The following MACROH2A2 variants were observed in gnomAD, a reference collection of about 807,000 sequenced individuals.
MACROH2A2 encodes the protein macroH2A.2 histone, also known as core histone macro-H2A.2.
MACROH2A2 carries 6 observed loss-of-function variants against 37.6 expected under a neutral mutation model. That is an observed-to-expected ratio of 0.16 (90% CI 0.09 to 0.32). The LOEUF is 0.32. MACROH2A2 is among the 10% of genes least tolerant of loss of function. MACROH2A2 has a pLI of 1.00. For synonymous variants in MACROH2A2, 192 were observed against 202.7 expected, an observed-to-expected ratio of 0.95 and a Z score of 0.45; for missense variants, 290 against 485.9, an observed-to-expected ratio of 0.60 and a Z score of 3.79.
At chr10:70,055,391 C>T (rs1301582298) in intron 1 of MACROH2A2, among the ~76,000 whole-genome samples, 1 of 152,182 alleles carries the variant, frequency 6.6e-6, no homozygotes, top group Non-Finnish European at 1.5e-5. Flanking sequence ...ACTTATTGAG[C>T]ACCAAGTCTT....
intron 1 of MACROH2A2, among the ~76,000 whole-genome samples, chr10:70,056,028 A>T (rs187218326): frequency 2.3e-4 from 35 of 152,366 alleles, no homozygotes; most frequent in Middle Eastern, 6.8e-3. Context: ...CAAATTGCAG[A>T]ACAGTACATA....
rs1009804901 is a variant in MACROH2A2, at chr10:70,057,905, G to C, written c.-60+4905G>C. Among the ~76,000 whole-genome samples the C allele has an allele frequency of 5.9e-5, 9 of 152,102 alleles. No individual in the cohort carries two copies. In the East Asian group the frequency reaches 1.7e-3, roughly 29 times the overall value. On this transcript the variant is annotated intron_variant, in intron 1 of 8. Coordinates refer to ENST00000373255, the MANE Select transcript of MACROH2A2 (RefSeq NM_018649.3). Reference sequence around the variant, plus strand: ...TACACCCATCACAGGAAAACGAAATGGTGGGGGGATGGTGAAGAACATGCC... The same window carrying C: ...TACACCCATCACAGGAAAACGAAATCGTGGGGGGATGGTGAAGAACATGCC...
chr10:70,079,993 T>G (rs1472365667), intron 2 of MACROH2A2, among the ~76,000 whole-genome samples: 1 of 152,150 alleles, frequency 6.6e-6, no homozygotes, highest in Admixed American at 6.5e-5. Context: ...AAAAGAAGTC[T>G]GACCAGCTGG....
At chr10:70,105,353 C>T (rs1272764107) in intron 7 of MACROH2A2, among the ~76,000 whole-genome samples, 2 of 151,178 alleles carry the variant, frequency 1.3e-5, no homozygotes, top group Non-Finnish European at 2.9e-5. Context: ...TAACACAGTA[C>T]ATCACTTAGC....
intron 7 of MACROH2A2, among the ~76,000 whole-genome samples, chr10:70,105,009 T>G (rs1351541769): frequency 6.6e-6 from 1 of 152,108 alleles, no homozygotes; most frequent in East Asian, 1.9e-4. Context: ...ATATTTCAGG[T>G]GCAGAGTCAG....
At chr10:70,091,716 CA>C (rs2072246005) in intron 3 of MACROH2A2, 40 bp from the exon 4 acceptor site, 2 of 1,330,428 alleles carry the variant, frequency 1.5e-6, no homozygotes, top group African/African-American at 2.9e-5. Flanking sequence ...TGGGAACTAG[CA>C]GGCTGTTTGC....
chr10:70,102,738 A>G (rs2072313978), intron 7 of MACROH2A2, among the ~76,000 whole-genome samples: 2 of 152,078 alleles, frequency 1.3e-5, no homozygotes, highest in Non-Finnish European at 2.9e-5. Context: ...AAAAAAGAAG[A>G]AAAGAAAAAA....
chr10:70,110,633 C>T (rs112869952), intron 8 of MACROH2A2, among the ~76,000 whole-genome samples: 3,078 of 152,034 alleles, frequency 0.02, 45 homozygotes, highest in Non-Finnish European at 0.03. Context: ...CCTGTAAATC[C>T]AAAAGCTTTA....
At chr10:70,096,270 C>T (rs900320487) in intron 6 of MACROH2A2, among the ~76,000 whole-genome samples, 3 of 152,136 alleles carry the variant, frequency 2.0e-5, no homozygotes, top group South Asian at 2.1e-4. Flanking sequence ...CATTCATTTT[C>T]CTTGCTCTGT....
chr10:70,093,000 T>A (rs982649114), intron 4 of MACROH2A2, among the ~76,000 whole-genome samples: 2 of 149,974 alleles, frequency 1.3e-5, no homozygotes, highest in African/African-American at 5.0e-5. Flanking sequence ...ACTGGTCACA[T>A]GTGGCTTTTT....
At chr10:70,070,523 G>A (rs183825355) in intron 1 of MACROH2A2, among the ~76,000 whole-genome samples, 4 of 152,116 alleles carry the variant, frequency 2.6e-5, no homozygotes, top group African/African-American at 4.8e-5. Flanking sequence ...ACGGAGTTTC[G>A]CTGTCGTTGC....
Position 70,111,826 on chromosome 10 carries a change from C to A in MACROH2A2, c.*143C>A. ...CTGCCGGCGCAGGGAGCCCTCTGCC[C>A]TTCACACTCTCCTCCAAAAGAGCCT... On this transcript the variant is annotated 3_prime_UTR_variant, in exon 9 of 9. Transcript: ENST00000373255. 1 of 549,632 alleles carries A rather than the reference C, an allele frequency of 1.8e-6. No homozygotes were observed. Among genetic ancestry groups the A allele is most frequent in the Non-Finnish European group, 3.0e-6 (1 of 334,714 alleles). 34.0% of individuals were successfully genotyped at this position (549,632 alleles called of 1,614,324 possible).
intron 2 of MACROH2A2, among the ~76,000 whole-genome samples, chr10:70,081,029 C>T (rs1469084495): frequency 7.0e-6 from 1 of 143,118 alleles, no homozygotes; most frequent in East Asian, 2.0e-4. Context: ...TCTACCACTG[C>T]ACTCCTCAGC....
intron 2 of MACROH2A2, among the ~76,000 whole-genome samples, chr10:70,080,279 C>CAA (rs35056111): frequency 7.1e-5 from 8 of 112,632 alleles, no homozygotes; most frequent in Non-Finnish European, 9.6e-5. Flanking sequence ...AACTCCATCT[C>CAA]AAAAAAAAAA....
chr10:70,086,793 C>T (rs893363372), intron 2 of MACROH2A2, among the ~76,000 whole-genome samples: 3 of 152,192 alleles, frequency 2.0e-5, no homozygotes, highest in African/African-American at 7.2e-5. Flanking sequence ...GTGCTTCTTC[C>T]TCCCATGTGT....
At chr10:70,069,106 C>T (rs1449135780) in intron 1 of MACROH2A2, among the ~76,000 whole-genome samples, 2 of 152,110 alleles carry the variant, frequency 1.3e-5, no homozygotes, top group Admixed American at 6.5e-5. Context: ...GTTTATTGCC[C>T]GTGTCTGAGT....
At chr10:70,084,123 AC>A (rs1564544285) in intron 2 of MACROH2A2, among the ~76,000 whole-genome samples, 1 of 152,176 alleles carries the variant, frequency 6.6e-6, no homozygotes, top group East Asian at 1.9e-4. Context: ...TGTAACATAG[AC>A]ACTTGTCATT....
intron 2 of MACROH2A2, among the ~76,000 whole-genome samples, chr10:70,082,372 T>G (rs1300307092): frequency 6.7e-6 from 1 of 150,020 alleles, no homozygotes; most frequent in South Asian, 2.1e-4. Flanking sequence ...GAGCCGAGAT[T>G]GCGCCATTGC....
At chr10:70,071,268 A>G (rs2072108884) in intron 1 of MACROH2A2, among the ~76,000 whole-genome samples, 1 of 152,042 alleles carries the variant, frequency 6.6e-6, no homozygotes, top group Non-Finnish European at 1.5e-5. Context: ...AGACTTAGTA[A>G]TCATCCTCCA....
Sources: allele counts gnomAD v4.1 joint callset (sites outside exome capture counted in the v4.1 genomes callset), GRCh38; gene constraint gnomAD v4.1.1; transcripts MANE v1.5; gene names NCBI Gene and HGNC (gene_info 2026-07-23, HGNC 2026-07-21).